The following INTS10 variants were observed in gnomAD, a reference collection of about 807,000 sequenced individuals.
INTS10 encodes integrator complex subunit 10, also known as chromosome 8 open reading frame 35.
INTS10 carries 44 observed loss-of-function variants against 94.4 expected under a neutral mutation model. The observed-to-expected ratio is 0.47, with a 90% CI of 0.37 to 0.60. The LOEUF (loss-of-function observed/expected upper bound fraction) is 0.60. INTS10 is among the 20% of genes least tolerant of loss of function. INTS10 has a pLI of 0.00. For missense variants in INTS10, 797 were observed against 868.7 expected (o/e 0.92, Z 1.04); for synonymous variants, 341 against 320.7 (o/e 1.06, Z -0.68).
chr8:19,836,693 G>T (rs1264979629), intron 12 of INTS10, among the ~76,000 whole-genome samples: 2 of 152,096 alleles, frequency 1.3e-5, no homozygotes, highest in Admixed American at 6.6e-5. Context: ...ATTTTTTATT[G>T]TTAGTTTTTC....
chr8:19,824,760 G>C lies in INTS10; in HGVS notation c.837-43G>C, dbSNP rs545797066. The C allele has an allele frequency of 3.4e-6, 5 of 1,462,958 alleles. No individual in the cohort carries two copies. The South Asian group carries it at 6.1e-5, about 18-fold the overall frequency. The allele number at this position is 1,462,958 out of a possible 1,614,324, so 90.6% of individuals were successfully genotyped here. A position where few individuals can be genotyped will look rare whatever the true frequency, so the allele number is the denominator to read the frequency against. Reference sequence around the variant, plus strand: ...TTTTCTCTAGACTTCTTGCTGACCAGCCCAGAGTAATCAAATAAGTTTCAT... The same window carrying C: ...TTTTCTCTAGACTTCTTGCTGACCACCCCAGAGTAATCAAATAAGTTTCAT... On this transcript the variant is annotated intron_variant, in intron 7 of 16. Coordinates refer to ENST00000397977, the MANE Select transcript of INTS10 (RefSeq NM_018142.4).
chr8:19,852,050 A>C lies in INTS10; in HGVS notation c.*245A>C. 3.0e-6 allele frequency: 1 copy of C among 328,912 alleles called. No homozygotes were observed. The allele number at this position is 328,912 out of a possible 1,614,324, so 20.4% of individuals were successfully genotyped here. On this transcript the variant is annotated 3_prime_UTR_variant, in exon 17 of 17. Transcript: ENST00000397977. The stretch of plus-strand genomic sequence containing the variant: ...GTACCAATCTGTTTTGTAAATAAAA[A>C]TCATCCTAAAATTTGAAGTTTTTAA...
rs778319377 is a variant in INTS10 at position 19,845,777 on chromosome 8, C to G, written c.1956C>G (p.Pro652=). 3 of 1,612,768 alleles carry G rather than the reference C, an allele frequency of 1.9e-6. No individual in the cohort carries two copies. The African/African-American group carries it at 4.0e-5, about 22-fold the overall frequency. Residue 652 remains proline (P), a synonymous_variant, in exon 16 of 17, where the codon CCC becomes CCG. Coordinates refer to ENST00000397977, the MANE Select transcript of INTS10 (RefSeq NM_018142.4). Reference sequence around the variant, plus strand: ...GGAAAATTCATCTGGAATTACTACCCAATCAAGGAATGCTGATCAAGTAAG... The same window carrying G: ...GGAAAATTCATCTGGAATTACTACCGAATCAAGGAATGCTGATCAAGTAAG... The part of the protein sequence containing the change: ...EGGKIHLELL[P]NQGMLIKHHT...
At chr8:19,827,612 G>C (rs1198105268) in intron 9 of INTS10, among the ~76,000 whole-genome samples, 1 of 152,092 alleles carries the variant, frequency 6.6e-6, no homozygotes, top group African/African-American at 2.4e-5. Flanking sequence ...ATCCCTCCTG[G>C]GTTTGGTGTC....
At chr8:19,847,558 C>T (rs1006543905) in intron 16 of INTS10, among the ~76,000 whole-genome samples, 7 of 152,150 alleles carry the variant, frequency 4.6e-5, no homozygotes, top group African/African-American at 1.4e-4. Context: ...TAGAGACAGC[C>T]ATAGTGGAAC....
intron 16 of INTS10, among the ~76,000 whole-genome samples, chr8:19,847,602 T>C (rs1219589656): frequency 6.6e-6 from 1 of 152,244 alleles, no homozygotes; most frequent in Non-Finnish European, 1.5e-5. Context: ...AACCTGCAGA[T>C]GATTATCACT....
At position 19,826,521 on chromosome 8, in the gene INTS10, A is replaced by C. The variant is rs1402564326; in HGVS notation, c.1102A>C (p.Lys368Gln). Residue 368 changes from lysine (K) to glutamine (Q), a missense_variant, in exon 9 of 17, where the codon AAA (lysine) becomes CAA (glutamine). By Grantham distance (53) the Lys-to-Gln change is moderately conservative (BLOSUM62 1). This residue lies in a region of INTS10 where 734 missense variants were observed against 787.8 expected (regional missense o/e 0.93). Coordinates refer to ENST00000397977, the MANE Select transcript of INTS10 (RefSeq NM_018142.4). Reference sequence around the variant, plus strand: ...AATTGATCGTAATAAACACATCCATAAAAAGAGGAAACTAGCTGAAGGAAG... The same window carrying C: ...AATTGATCGTAATAAACACATCCATCAAAAGAGGAAACTAGCTGAAGGAAG... ...VEIDRNKHIHKKRKLAEGREK... is the reference protein window; with the variant it reads ...VEIDRNKHIHQKRKLAEGREK... The C allele has an allele frequency of 3.7e-6, 6 of 1,612,896 alleles. No homozygotes were observed. The highest frequency in any genetic ancestry group is 5.1e-6 in the Non-Finnish European group (6 of 1,179,630).
intron 1 of INTS10, 69 bp from the exon 2 acceptor site, chr8:19,818,206 G>A: frequency 6.7e-7 from 1 of 1,494,156 alleles, no homozygotes; most frequent in Non-Finnish European, 9.3e-7. Context: ...GGGCCAACGA[G>A]CGATGCTGGA....
rs1270438411 is a variant in INTS10 at position 19,846,258 on chromosome 8, C to T, written c.1976+461C>T. Among the ~76,000 whole-genome samples, 1 of 145,804 alleles carries T rather than the reference C, an allele frequency of 6.9e-6. No homozygotes were observed. Among genetic ancestry groups the T allele is most frequent in the Admixed American group, 6.9e-5 (1 of 14,494 alleles). On this transcript the variant is annotated intron_variant, in intron 16 of 16. Coordinates refer to ENST00000397977, the MANE Select transcript of INTS10 (RefSeq NM_018142.4). This position sits in a 1 kb window ranked among gnomAD's most constrained non-coding sequence, Gnocchi z 4.2. The stretch of plus-strand genomic sequence containing the variant: ...CCAACATGGTGAAACCCCGTCTCTA[C>T]TAAAAATACAAAAAAAAAAAAAAAA...
At chr8:19,840,213 G>A (rs1371502591) in intron 13 of INTS10, among the ~76,000 whole-genome samples, 1 of 151,710 alleles carries the variant, frequency 6.6e-6, no homozygotes, top group East Asian at 1.9e-4. Context: ...ATACTTAGAG[G>A]TAAATTTAAT....
Position 19,845,727 on chromosome 8 carries a change from G to T in INTS10, c.1906G>T (p.Ala636Ser). Residue 636 changes from alanine to serine, a missense_variant, in exon 16 of 17, where the codon GCC becomes TCC. Around this residue, in one of 3 missense-constraint regions of INTS10, gnomAD observed 734 missense variants for 787.8 expected, o/e 0.93. Transcript: ENST00000397977. Reference sequence around the variant, plus strand: ...AGATATTGATATGCTGGAGGAATTTGCCTACTTGAGAACTCAGGAAGGTGG... The same window carrying T: ...AGATATTGATATGCTGGAGGAATTTTCCTACTTGAGAACTCAGGAAGGTGG... The part of the protein sequence containing the change: ...VTNIDMLEEF[A>S]YLRTQEGGKI... 2 of 1,613,476 alleles carry T rather than the reference G, an allele frequency of 1.2e-6. No individual in the cohort carries two copies. The highest frequency in any genetic ancestry group is 1.7e-6 in the Non-Finnish European group (2 of 1,179,420).
rs1234266541 is a variant in INTS10, at chr8:19,820,460, G to A, written c.383G>A (p.Arg128Gln). 1.2e-6 allele frequency: 2 copies of A among 1,612,822 alleles called. No homozygotes were observed. Among genetic ancestry groups the A allele is most frequent in the Non-Finnish European group, 1.7e-6 (2 of 1,179,086 alleles). ...GAACAATGCTTCAACACGTTAGAAC[G>A]ATCAGAAATGTTGCTTCTACTTTTG... The part of the protein sequence containing the change: ...VTEQCFNTLE[R>Q]SEMLLLLLRR... The change falls in exon 4 of 17, where the codon CGA becomes CAA. Residue 128 changes from arginine to glutamine, a missense_variant. Around this residue, in one of 3 missense-constraint regions of INTS10, gnomAD observed 734 missense variants for 787.8 expected, o/e 0.93. Coordinates refer to ENST00000397977, the MANE Select transcript of INTS10 (RefSeq NM_018142.4).
chr8:19,841,963 T>A (rs1197762809), intron 13 of INTS10: 1 of 377,330 alleles, frequency 2.7e-6, no homozygotes, highest in African/African-American at 2.1e-5. Context: ...TATGTAAGTA[T>A]GTGTGTACAG....
At chr8:19,826,657 C>T (rs1231518746) in intron 9 of INTS10, 98 bp downstream of exon 9, 2 of 1,142,888 alleles carry the variant, frequency 1.7e-6, no homozygotes, top group Admixed American at 2.8e-5. Context: ...TCGATAAAGC[C>T]TGGGTTTTAA....
At chr8:19,841,925 T>C (rs1480586095) in intron 13 of INTS10, 5 of 438,462 alleles carry the variant, frequency 1.1e-5, no homozygotes, top group Non-Finnish European at 2.3e-5. Flanking sequence ...TGTTATTCCA[T>C]GCACCTTTTG....
intron 2 of INTS10, chr8:19,818,627 A>G (rs2066126647): frequency 1.9e-5 from 8 of 422,956 alleles, no homozygotes; most frequent in Non-Finnish European, 3.0e-5. Flanking sequence ...ACTACTTGTT[A>G]TAGAGAACAA....
In INTS10 at chr8:19,822,335, G is replaced by A. The variant is rs1589924256; in HGVS notation, c.442-104G>A. 10 of 614,176 alleles carry A rather than the reference G, an allele frequency of 1.6e-5. No individual in the cohort carries two copies. In the East Asian group the frequency reaches 2.9e-4, roughly 18 times the overall value. 38.0% of individuals were successfully genotyped at this position (614,176 alleles called of 1,614,324 possible). On this transcript the variant is annotated intron_variant, in intron 4 of 16. Coordinates refer to ENST00000397977, the MANE Select transcript of INTS10 (RefSeq NM_018142.4). ...GATTATTTGTTTCTCAGATAAGTTT[G>A]ATTATGCAAACTGTGATAAGTAAAA... is the stretch of plus-strand genomic sequence containing the variant.
intron 16 of INTS10, among the ~76,000 whole-genome samples, chr8:19,848,193 TC>T (rs2068735998): frequency 6.6e-6 from 1 of 152,208 alleles, no homozygotes; most frequent in Non-Finnish European, 1.5e-5. Flanking sequence ...AAACAAGTTT[TC>T]TGAAGCCATT....
rs1476757580 is a variant in INTS10, at chr8:19,845,760, C to T, written c.1939C>T (p.His647Tyr). The T allele has an allele frequency of 1.2e-6, 2 of 1,613,770 alleles. No homozygotes were observed. Among genetic ancestry groups the T allele is most frequent in the Non-Finnish European group, 1.7e-6 (2 of 1,179,792 alleles). The change falls in exon 16 of 17, where the codon CAT becomes TAT. Residue 647 changes from histidine to tyrosine, a missense_variant. Physicochemically the swap from His to Tyr is moderately conservative, Grantham distance 83. Coordinates refer to ENST00000397977, the MANE Select transcript of INTS10 (RefSeq NM_018142.4). ...GAGAACTCAGGAAGGTGGGAAAATT[C>T]ATCTGGAATTACTACCCAATCAAGG... is the stretch of plus-strand genomic sequence containing the variant. ...YLRTQEGGKI[H>Y]LELLPNQGML... is the part of the protein sequence containing the mutation.
Sources: gnomAD v4.1 joint callset for allele counts (sites outside exome capture counted in the v4.1 genomes callset) on GRCh38, gnomAD v4.1.1 for gene constraint, gnomAD v4.1.1 regional missense constraint, Gnocchi (gnomAD v3.1) non-coding constraint, MANE v1.5 for transcripts, NCBI Gene and HGNC (gene_info 2026-07-23, HGNC 2026-07-21) for gene names.